Variants in TRIM34 observed in about 807,000 individuals in gnomAD.
TRIM34 encodes E3 ubiquitin-protein ligase TRIM34.
TRIM34 carries 41 observed loss-of-function variants against 38.1 expected under a neutral mutation model. The ratio of observed to expected loss-of-function variants is 1.08; its 90% CI spans 0.84 to 1.40. The LOEUF is 1.40. TRIM34 is among the 40% of genes most tolerant of loss of function. The pLI, the probability that TRIM34 is intolerant of heterozygous loss-of-function variation, is 0.00. For missense variants in TRIM34, 556 were observed against 571.4 expected, an observed-to-expected ratio of 0.97 and a Z score of 0.27; for synonymous variants, 200 against 202.5, an observed-to-expected ratio of 0.99 and a Z score of 0.10.
intron 4 of TRIM34, among the ~76,000 whole-genome samples, chr11:5,640,833 G>C (rs1167029787): frequency 6.6e-6 from 1 of 151,992 alleles, no homozygotes; most frequent in Non-Finnish European, 1.5e-5. Flanking sequence ...ACATGTTTTA[G>C]GCCTATTCAT....
At chr11:5,631,957 C>G (rs1454986242) in intron 1 of TRIM34, among the ~76,000 whole-genome samples, 1 of 152,114 alleles carries the variant, frequency 6.6e-6, no homozygotes, top group Non-Finnish European at 1.5e-5. Flanking sequence ...TTGTGCTGTA[C>G]TTAAGTTTGT....
chr11:5,643,781 A>G lies in TRIM34; in HGVS notation c.*72A>G. 6.6e-7 allele frequency: 1 copy of G among 1,507,458 alleles called. No homozygotes were observed. The highest frequency in any genetic ancestry group is 8.8e-7 in the Non-Finnish European group (1 of 1,129,982). 93.4% of individuals were successfully genotyped at this position (1,507,458 alleles called of 1,614,324 possible). ...TGCAACTGACTCATCTGCAACATTC[A>G]CACCATTGCTTCCTTGTGGTTTCCC... is the stretch of plus-strand genomic sequence containing the variant. On this transcript the variant is annotated 3_prime_UTR_variant, in exon 8 of 8. Coordinates refer to ENST00000429814, the MANE Select transcript of TRIM34 (RefSeq NM_021616.6).
In TRIM34 at chr11:5,633,849, G is replaced by A. The variant is rs779528596; in HGVS notation, c.469G>A (p.Glu157Lys). ...CAAGAGGCTGAAGAAGGAAGAGGAG[G>A]AAGCTGAGAAGCTGGAAGCTGACAT... ...VLKRLKKEEEEAEKLEADIRE... is the reference protein window; with the variant it reads ...VLKRLKKEEEKAEKLEADIRE... The change falls in exon 3 of 8, where the codon GAA (glutamate) becomes AAA (lysine). Residue 157 changes from glutamate to lysine, a missense_variant. Glu to Lys is a moderately conservative substitution (Grantham distance 56). Coordinates refer to ENST00000429814, the MANE Select transcript of TRIM34 (RefSeq NM_021616.6). 2 of 1,614,000 alleles carry A rather than the reference G, an allele frequency of 1.2e-6. No individual in the cohort carries two copies. Among genetic ancestry groups the A allele is most frequent in the Non-Finnish European group, 1.7e-6 (2 of 1,179,998 alleles).
At chr11:5,626,226 C>T (rs775731582) in intron 1 of TRIM34, among the ~76,000 whole-genome samples, 2 of 152,156 alleles carry the variant, frequency 1.3e-5, no homozygotes, top group Admixed American at 1.3e-4. Context: ...AATGTAAAAA[C>T]GTGCAATTAG....
chr11:5,630,687 A>G (rs1311566563), intron 1 of TRIM34, among the ~76,000 whole-genome samples: 1 of 152,174 alleles, frequency 6.6e-6, no homozygotes, highest in Non-Finnish European at 1.5e-5. Context: ...CAAGCAAGAT[A>G]TCTTGGATAG....
At position 5,643,667 on chromosome 11, in the gene TRIM34, G is replaced by T; in HGVS notation, c.1425G>T (p.Trp475Cys). ...CTGTTTATCCATATTTCAATCCTTGGAACTGTCCAGCTCCCATGACTCTAT... is the reference window on the plus strand; with the variant it reads ...CTGTTTATCCATATTTCAATCCTTGTAACTGTCCAGCTCCCATGACTCTAT... ...SQPVYPYFNP[W>C]NCPAPMTLCP... The change falls in exon 8 of 8, where the codon TGG becomes TGT. Residue 475 changes from tryptophan to cysteine, a missense_variant. Trp to Cys is a radical substitution (Grantham distance 215, BLOSUM62 -2). Coordinates refer to ENST00000429814, the MANE Select transcript of TRIM34 (RefSeq NM_021616.6). 2 of 1,613,048 alleles carry T rather than the reference G, an allele frequency of 1.2e-6. No individual in the cohort carries two copies. The highest frequency in any genetic ancestry group is 1.7e-6 in the Non-Finnish European group (2 of 1,179,580).
intron 4 of TRIM34, among the ~76,000 whole-genome samples, 159 bp downstream of exon 4, chr11:5,635,020 T>C (rs79857268): frequency 0.013 from 1,937 of 152,218 alleles, 43 homozygotes; most frequent in African/African-American, 0.045. Flanking sequence ...TTTTTATTAA[T>C]TTATGAAGTA....
At position 5,644,131 on chromosome 11, in the gene TRIM34, A is replaced by G; in HGVS notation, c.*422A>G. On this transcript the variant is annotated 3_prime_UTR_variant, in exon 8 of 8. Transcript: ENST00000429814. ...GTGTGTTGCTCAGGATACCCCAGGT[A>G]CATCAAGGAATCAAGGAGAGGAAAA... 1 of 400,910 alleles carries G rather than the reference A, an allele frequency of 2.5e-6. No homozygotes were observed. The highest frequency in any genetic ancestry group is 4.3e-5 in the Admixed American group (1 of 23,052). The allele number at this position is 400,910 out of a possible 1,614,324, so 24.8% of individuals were successfully genotyped here. A position where few individuals can be genotyped will look rare whatever the true frequency, so the allele number is the denominator to read the frequency against.
chr11:5,626,019 A>G (rs1187310785), intron 1 of TRIM34, among the ~76,000 whole-genome samples: 1 of 152,226 alleles, frequency 6.6e-6, no homozygotes, highest in Non-Finnish European at 1.5e-5. Flanking sequence ...CTTGATTGAT[A>G]TGTTACAGAT....
intron 1 of TRIM34, among the ~76,000 whole-genome samples, chr11:5,628,320 T>G (rs755262313): frequency 6.6e-6 from 1 of 152,236 alleles, no homozygotes; most frequent in Non-Finnish European, 1.5e-5. Context: ...ACCCCACATC[T>G]GTGGTTGGCT....
At chr11:5,639,118 T>G (rs1276525689) in intron 4 of TRIM34, among the ~76,000 whole-genome samples, 2 of 152,170 alleles carry the variant, frequency 1.3e-5, no homozygotes, top group Non-Finnish European at 2.9e-5. Flanking sequence ...TCGATCAGAC[T>G]TTAAGGTATG....
Position 5,643,539 on chromosome 11 carries a change from G to C in TRIM34, c.1297G>C (p.Val433Leu), listed in dbSNP as rs1188701824. ...CTCCATGGCTGTGCCTCCCTGCCGT[G>C]TTGGGGTTTTCCTCGACTATGAAGC... ...TLSMAVPPCRVGVFLDYEAGI... is the reference protein window; with the variant it reads ...TLSMAVPPCRLGVFLDYEAGI... The change falls in exon 8 of 8, where the codon GTT (valine) becomes CTT (leucine). Residue 433 changes from valine (V) to leucine (L), a missense_variant. By Grantham distance (32) the Val-to-Leu change is conservative. Coordinates refer to ENST00000429814, the MANE Select transcript of TRIM34 (RefSeq NM_021616.6). 1 of 1,614,176 alleles carries C rather than the reference G, an allele frequency of 6.2e-7. No individual in the cohort carries two copies. Among genetic ancestry groups the C allele is most frequent in the East Asian group, 2.2e-5 (1 of 44,888 alleles).
At chr11:5,627,328 C>T (rs1346550881) in intron 1 of TRIM34, among the ~76,000 whole-genome samples, 3 of 151,870 alleles carry the variant, frequency 2.0e-5, no homozygotes, top group East Asian at 3.9e-4. Flanking sequence ...TGCAGTGAGC[C>T]GAGATCATGC....
chr11:5,642,389 A>AC lies in TRIM34; in HGVS notation c.774-17_774-16insC, dbSNP rs770906433. 17 of 1,609,476 alleles carry AC rather than the reference A, an allele frequency of 1.1e-5. No homozygotes were observed. In the Admixed American group the frequency reaches 2.9e-4, roughly 27 times the overall value. ...GGATGAGAGATGTGGGGGTCAAAAAATTTTTTTCATCCCTAGGAGTGAGAT... is the reference window on the plus strand; with the variant it reads ...GGATGAGAGATGTGGGGGTCAAAAAACTTTTTTTCATCCCTAGGAGTGAGAT... On this transcript the variant is annotated splice_polypyrimidine_tract_variant and intron_variant, in intron 5 of 7. Transcript: ENST00000429814.
At chr11:5,635,627 TAGAC>T (rs1309202565) in intron 4 of TRIM34, among the ~76,000 whole-genome samples, 1 of 152,154 alleles carries the variant, frequency 6.6e-6, no homozygotes, top group Non-Finnish European at 1.5e-5. Context: ...GACAAATATA[TAGAC>T]AGACAGTGCT....
chr11:5,642,928 C>G, intron 7 of TRIM34, 85 bp downstream of exon 7: 1 of 1,558,268 alleles, frequency 6.4e-7, no homozygotes, highest in South Asian at 1.2e-5. Context: ...TGATCTTAGC[C>G]TCATGCATTC....
At chr11:5,622,030 C>A (rs569246475), upstream of TRIM34, among the ~76,000 whole-genome samples, 347 of 152,162 alleles carry the variant, frequency 2.3e-3, 1 homozygote, top group Non-Finnish European at 3.8e-3. Flanking sequence ...TCTATATTAT[C>A]TGAGATCTGT....
At chr11:5,629,128 T>C (rs1849371160) in intron 1 of TRIM34, among the ~76,000 whole-genome samples, 1 of 151,940 alleles carries the variant, frequency 6.6e-6, no homozygotes, top group South Asian at 2.1e-4. Flanking sequence ...AATCTAAAAA[T>C]TAGTTGGGCG....
intron 4 of TRIM34, among the ~76,000 whole-genome samples, chr11:5,637,293 G>C (rs1849787961): frequency 6.6e-6 from 1 of 152,180 alleles, no homozygotes; most frequent in Non-Finnish European, 1.5e-5. Context: ...GGGATGGATG[G>C]TGTTATCATA....
Sources: allele counts gnomAD v4.1 joint callset (sites outside exome capture counted in the v4.1 genomes callset), GRCh38; gene constraint gnomAD v4.1.1; transcripts MANE v1.5; gene names NCBI Gene and HGNC (gene_info 2026-07-23, HGNC 2026-07-21).